LRP1B: variants seen among roughly 807,000 people sequenced by gnomAD.
The protein encoded by LRP1B is low-density lipoprotein receptor-related protein 1B.
In LRP1B, 217 loss-of-function variants were observed where a neutral mutation model predicts 556.6. That is an observed-to-expected ratio of 0.39 (90% confidence interval 0.35 to 0.44). The LOEUF is 0.44. Among genes scored for constraint, LRP1B ranks in the 20% least tolerant of loss-of-function variants. The pLI is 1.00. For synonymous variants in LRP1B, 2,047 were observed against 1,865.8 expected, an observed-to-expected ratio of 1.10 and a Z score of -2.50; for missense variants, 5,053 against 5,620.8, an observed-to-expected ratio of 0.90 and a Z score of 3.23.
At chr2:140,603,756 C>T (rs558560785) in intron 41 of LRP1B, among the ~76,000 whole-genome samples, 1 of 152,064 alleles carries the variant, frequency 6.6e-6, no homozygotes, top group African/African-American at 2.4e-5. Flanking sequence ...ACAGAAATTA[C>T]AGTTAATAAT....
At chr2:141,662,210 C>A (rs1361053003) in intron 2 of LRP1B, among the ~76,000 whole-genome samples, 1 of 152,160 alleles carries the variant, frequency 6.6e-6, no homozygotes. Flanking sequence ...AAGCATGTTA[C>A]CAGCCACTAT....
At chr2:140,791,164 G>T (rs908666374) in intron 32 of LRP1B, among the ~76,000 whole-genome samples, 2 of 152,096 alleles carry the variant, frequency 1.3e-5, no homozygotes, top group Admixed American at 1.3e-4. Flanking sequence ...TGAGACAGGA[G>T]AATCGTTTGA....
intron 34 of LRP1B, among the ~76,000 whole-genome samples, chr2:140,770,650 A>G (rs1159782128): frequency 6.6e-6 from 1 of 152,116 alleles, no homozygotes; most frequent in African/African-American, 2.4e-5. Flanking sequence ...AATATACAGC[A>G]GTTGCTAAAA....
intron 15 of LRP1B, among the ~76,000 whole-genome samples, chr2:140,995,299 G>A (rs1015901072): frequency 3.3e-5 from 5 of 151,986 alleles, no homozygotes; most frequent in Admixed American, 3.3e-4. Context: ...CGGCCATACA[G>A]AAGATCATCT....
At chr2:142,097,549 A>G (rs974712956) in intron 1 of LRP1B, among the ~76,000 whole-genome samples, 1 of 151,782 alleles carries the variant, frequency 6.6e-6, no homozygotes, top group African/African-American at 2.4e-5. Context: ...GTGCTTTTCA[A>G]TTGAAAGACA....
intron 2 of LRP1B, among the ~76,000 whole-genome samples, chr2:141,671,421 C>A (rs1690663505): frequency 6.6e-6 from 1 of 152,110 alleles, no homozygotes; most frequent in African/African-American, 2.4e-5. Context: ...AAGGATGGAA[C>A]TCAGGTGGAG....
intron 7 of LRP1B, among the ~76,000 whole-genome samples, chr2:141,185,812 C>T (rs759842254): frequency 2.0e-5 from 3 of 151,618 alleles, no homozygotes; most frequent in Non-Finnish European, 4.4e-5. Flanking sequence ...GGTGCAGAGG[C>T]TCACACCTGT....
chr2:141,532,335 T>G (rs2105193938), intron 2 of LRP1B, among the ~76,000 whole-genome samples: 1 of 151,448 alleles, frequency 6.6e-6, no homozygotes. Context: ...ATAAATTCTG[T>G]TGCTCTTAAG....
chr2:141,319,305 T>G (rs1038042873), intron 3 of LRP1B, among the ~76,000 whole-genome samples: 1 of 118,392 alleles, frequency 8.4e-6, no homozygotes, highest in Admixed American at 8.7e-5. Context: ...CAGTGTTTTT[T>G]TGTTGTTTTT....
chr2:141,261,809 T>G (rs1408390413), intron 3 of LRP1B, among the ~76,000 whole-genome samples: 4 of 152,154 alleles, frequency 2.6e-5, no homozygotes, highest in African/African-American at 9.7e-5. Flanking sequence ...ACATTTGAGT[T>G]GTTTCCAGTT....
intron 1 of LRP1B, among the ~76,000 whole-genome samples, chr2:141,821,521 T>C (rs1354454719): frequency 6.6e-6 from 1 of 152,212 alleles, no homozygotes; most frequent in African/African-American, 2.4e-5. Context: ...CATGACAGAA[T>C]TTTATGAAAA....
chr2:141,973,192 A>G (rs1701794275), intron 1 of LRP1B, among the ~76,000 whole-genome samples: 1 of 151,654 alleles, frequency 6.6e-6, no homozygotes, highest in South Asian at 2.1e-4. Context: ...CTTATTTAGT[A>G]TCCTTTTCCT....
intron 41 of LRP1B, among the ~76,000 whole-genome samples, chr2:140,616,344 A>G (rs1319879076): frequency 6.6e-6 from 1 of 152,002 alleles, no homozygotes; most frequent in Non-Finnish European, 1.5e-5. Context: ...CTAATTTTAA[A>G]TGTTATCATA....
intron 2 of LRP1B, among the ~76,000 whole-genome samples, chr2:141,492,032 T>C (rs770910610): frequency 2.4e-4 from 32 of 133,516 alleles, no homozygotes; most frequent in Admixed American, 1.3e-3. Context: ...GAATTATCAA[T>C]ATATAAATCA....
At chr2:141,975,300 T>C (rs941217313) in intron 1 of LRP1B, among the ~76,000 whole-genome samples, 1 of 152,090 alleles carries the variant, frequency 6.6e-6, no homozygotes, top group African/African-American at 2.4e-5. Flanking sequence ...ACAGTTTTGT[T>C]TGAGTGTATG....
intron 1 of LRP1B, among the ~76,000 whole-genome samples, chr2:142,040,245 C>G (rs903257541): frequency 6.6e-6 from 1 of 151,360 alleles, no homozygotes; most frequent in African/African-American, 2.4e-5. Flanking sequence ...TTGCCTAATA[C>G]TATGCTTAAA....
rs924759250 is a variant in LRP1B at position 140,414,550 on chromosome 2, C to A, written c.10414+27954G>T. ...TTTGTGTTTTGTGGGAAGTCAGGGA[C>A]CCCGAATAGAGGGACCAGCTGGAGC... On this transcript the variant is annotated intron_variant, in intron 66 of 90. Coordinates refer to ENST00000389484, the MANE Select transcript of LRP1B (RefSeq NM_018557.3). 2.6e-5 allele frequency among the ~76,000 whole-genome samples: 4 copies of A among 151,976 alleles called. No homozygotes were observed. The East Asian group carries it at 5.8e-4, about 22-fold the overall frequency.
intron 84 of LRP1B, among the ~76,000 whole-genome samples, chr2:140,288,398 A>G (rs1188427572): frequency 2.0e-5 from 3 of 151,820 alleles, no homozygotes; most frequent in African/African-American, 7.2e-5. Context: ...GCATTTAAAG[A>G]TTTCTGACTC....
intron 1 of LRP1B, among the ~76,000 whole-genome samples, chr2:142,119,023 G>A (rs1707365714): frequency 6.6e-6 from 1 of 152,134 alleles, no homozygotes; most frequent in Admixed American, 6.6e-5. Context: ...TTCTACACAT[G>A]CATCTAGCAA....
Sources: gnomAD v4.1 joint callset for allele counts (sites outside exome capture counted in the v4.1 genomes callset) on GRCh38, gnomAD v4.1.1 for gene constraint, MANE v1.5 for transcripts, NCBI Gene and HGNC (gene_info 2026-07-23, HGNC 2026-07-21) for gene names.